Variants in PTPN14 observed in about 807,000 individuals in gnomAD.
PTPN14 encodes tyrosine-protein phosphatase non-receptor type 14.
PTPN14 carries 53 observed loss-of-function variants against 126.8 expected under a neutral mutation model. The observed-to-expected ratio is 0.42, with a 90% confidence interval of 0.34 to 0.53. The LOEUF (loss-of-function observed/expected upper bound fraction) is 0.53. Among genes scored for constraint, PTPN14 ranks in the 20% least tolerant of loss-of-function variants. PTPN14 has a pLI of 0.08. For synonymous variants in PTPN14, 630 were observed against 599.3 expected, an observed-to-expected ratio of 1.05 and a Z score of -0.75; for missense variants, 1,257 against 1,552.9, an observed-to-expected ratio of 0.81 and a Z score of 3.20.
At chr1:214,485,033 C>T (rs920205889) in intron 1 of PTPN14, among the ~76,000 whole-genome samples, 1 of 152,162 alleles carries the variant, frequency 6.6e-6, no homozygotes, top group Non-Finnish European at 1.5e-5. Context: ...CATCTCAACA[C>T]CACACTTGTC....
intron 1 of PTPN14, among the ~76,000 whole-genome samples, chr1:214,492,334 T>C (rs61819646): frequency 0.035 from 5,258 of 152,286 alleles, 128 homozygotes; most frequent in Middle Eastern, 0.078. Flanking sequence ...GAAAATCAGT[T>C]TGGGCCTCTG....
chr1:214,409,031 T>C (rs1426718889), intron 5 of PTPN14, among the ~76,000 whole-genome samples: 1 of 152,240 alleles, frequency 6.6e-6, no homozygotes, highest in Non-Finnish European at 1.5e-5. Context: ...GACACATGTA[T>C]ATATTGTGGA....
intron 1 of PTPN14, among the ~76,000 whole-genome samples, chr1:214,536,621 C>T (rs1553276613): frequency 2.0e-5 from 3 of 150,748 alleles, no homozygotes; most frequent in Non-Finnish European, 4.4e-5. Context: ...CCTGTCTCTA[C>T]AAAAAAATAA....
chr1:214,429,098 G>A (rs766078230), intron 3 of PTPN14, among the ~76,000 whole-genome samples: 15 of 152,004 alleles, frequency 9.9e-5, no homozygotes, highest in East Asian at 3.9e-4. Context: ...ATGTTAGCCC[G>A]TTCCGTATAA....
chr1:214,479,672 AAG>A (rs1443566259), intron 1 of PTPN14, among the ~76,000 whole-genome samples: 1 of 152,166 alleles, frequency 6.6e-6, no homozygotes, highest in Non-Finnish European at 1.5e-5. Flanking sequence ...CAAACAAAAA[AAG>A]ACTTATTAAA....
intron 13 of PTPN14, among the ~76,000 whole-genome samples, chr1:214,378,755 G>T (rs1005870390): frequency 1.4e-4 from 21 of 150,948 alleles, no homozygotes; most frequent in African/African-American, 4.5e-4. Context: ...AAGATGATCC[G>T]CAGGCATCAC....
In PTPN14 at chr1:214,435,240, C is replaced by CTGTG. The variant is rs749181690; in HGVS notation, c.344+16561_344+16564dup. Among the ~76,000 whole-genome samples the CTGTG allele has an allele frequency of 6.1e-4, 92 of 151,022 alleles. 1 individual carries two copies. Among genetic ancestry groups the CTGTG allele is most frequent in the Admixed American group, 1.4e-3 (21 of 15,110 alleles). ...ATGGTTCAGTCCGGTAGTGTGTCTGCTGTGTGTGTGTGTGCGTGTGTGTGT... is the reference window on the plus strand; with the variant it reads ...ATGGTTCAGTCCGGTAGTGTGTCTGCTGTGTGTGTGTGTGTGTGCGTGTGTGTGT... On this transcript the variant is annotated intron_variant, in intron 3 of 18. Transcript: ENST00000366956.
chr1:214,459,469 T>TTTC (rs576922722), intron 2 of PTPN14, among the ~76,000 whole-genome samples: 1,056 of 54,770 alleles, frequency 0.019, 6 homozygotes, highest in Non-Finnish European at 0.023. Context: ...CACTCTTTTC[T>TTTC]TTCTTTTTTT....
intron 11 of PTPN14, among the ~76,000 whole-genome samples, chr1:214,388,923 T>C (rs1187910796): frequency 1.4e-5 from 2 of 148,140 alleles, no homozygotes; most frequent in South Asian, 2.1e-4. Flanking sequence ...AAAGGGGTAA[T>C]AAAAAAAAAG....
In PTPN14 at chr1:214,382,945, C is replaced by T. The variant is rs112102931; in HGVS notation, c.2544+366G>A. On this transcript the variant is annotated intron_variant, in intron 13 of 18. Transcript: ENST00000366956. ...GGTATAGGGATGTTGCTCTTTAATA[C>T]CTAACTGGATGTGGGGGACAGCTTT... Among the ~76,000 whole-genome samples the T allele has an allele frequency of 1.1e-3, 169 of 152,268 alleles. 1 individual carries two copies. The highest frequency in any genetic ancestry group is 3.9e-3 in the African/African-American group (163 of 41,554).
intron 1 of PTPN14, among the ~76,000 whole-genome samples, chr1:214,493,503 A>G (rs1021184222): frequency 1.8e-4 from 27 of 152,208 alleles, no homozygotes; most frequent in Non-Finnish European, 3.5e-4. Flanking sequence ...CTCCATAAGT[A>G]TATATACTTA....
At chr1:214,430,177 G>A (rs979403894) in intron 3 of PTPN14, among the ~76,000 whole-genome samples, 3 of 152,102 alleles carry the variant, frequency 2.0e-5, no homozygotes, top group Non-Finnish European at 4.4e-5. Context: ...TAATTTCCTT[G>A]GCTCGGAATG....
chr1:214,398,613 A>ATTTT (rs56339386), intron 7 of PTPN14, among the ~76,000 whole-genome samples: 2,066 of 108,838 alleles, frequency 0.019, 58 homozygotes, highest in Admixed American at 0.026. Flanking sequence ...TGCCCTGCTA[A>ATTTT]TTTTTTTTTT....
In PTPN14 at chr1:214,402,186, C is replaced by T. The variant is rs1002314599; in HGVS notation, c.582-414G>A. On this transcript the variant is annotated intron_variant, in intron 6 of 18. Transcript: ENST00000366956. ...ATGGCCGTGGCTCATGCCTATAATC[C>T]CAGCACTTTGGGAGGCCGAGGCAGG... is the stretch of plus-strand genomic sequence containing the variant. 8.6e-5 allele frequency among the ~76,000 whole-genome samples: 13 copies of T among 151,758 alleles called. 2 individuals are homozygous for T. Among genetic ancestry groups the T allele is most frequent in the Admixed American group, 8.5e-4 (13 of 15,262 alleles).
chr1:214,488,880 C>T (rs1051240881), intron 1 of PTPN14, among the ~76,000 whole-genome samples: 5 of 152,218 alleles, frequency 3.3e-5, no homozygotes, highest in Non-Finnish European at 7.3e-5. Context: ...AGGCTCTTGA[C>T]CTCTCTGCTA....
Position 214,539,700 on chromosome 1 carries a change from A to G in PTPN14, c.-155+11483T>C, listed in dbSNP as rs1015493709. 3.9e-5 allele frequency among the ~76,000 whole-genome samples: 6 copies of G among 152,112 alleles called. No individual in the cohort carries two copies. In the East Asian group the frequency reaches 9.6e-4, roughly 24 times the overall value. On this transcript the variant is annotated intron_variant, in intron 1 of 18. Coordinates refer to ENST00000366956, the MANE Select transcript of PTPN14 (RefSeq NM_005401.5). ...GGGAGGAGTGAGAAAGGCAATAAAG[A>G]AGAGGGAGGAGGGAAGAGAGGAGGA...
At chr1:214,550,405 A>C (rs969105528) in intron 1 of PTPN14, among the ~76,000 whole-genome samples, 6 of 152,172 alleles carry the variant, frequency 3.9e-5, no homozygotes, top group Non-Finnish European at 7.3e-5. Context: ...TGGGGATGAG[A>C]AGGTTGGAGA....
intron 2 of PTPN14, among the ~76,000 whole-genome samples, chr1:214,454,570 GCACATACA>G (rs1452066336): frequency 1.7e-4 from 26 of 152,106 alleles, no homozygotes; most frequent in Admixed American, 1.7e-3. Context: ...CACTACAGCT[GCACATACA>G]CACACTCCTG....
intron 1 of PTPN14, among the ~76,000 whole-genome samples, chr1:214,523,041 G>A (rs554630553): frequency 6.6e-6 from 1 of 152,242 alleles, no homozygotes; most frequent in Non-Finnish European, 1.5e-5. Context: ...TCACTCCTAA[G>A]ACTTAATCAT....
Sources: allele counts gnomAD v4.1 joint callset (sites outside exome capture counted in the v4.1 genomes callset), GRCh38; gene constraint gnomAD v4.1.1; transcripts MANE v1.5; gene names NCBI Gene and HGNC (gene_info 2026-07-23, HGNC 2026-07-21).